DPP4: variants seen among roughly 807,000 people sequenced by gnomAD.
The protein encoded by DPP4 is dipeptidyl peptidase 4, also known as ADCP-2.
Under a neutral mutation model 122.4 loss-of-function variants are expected in DPP4, and 93 were observed. The observed-to-expected ratio is 0.76, with a 90% CI of 0.64 to 0.90. The LOEUF (loss-of-function observed/expected upper bound fraction) is 0.90, where lower values mean the gene tolerates loss of function less well. DPP4 is among the 40% of genes least tolerant of loss of function. DPP4 has a pLI of 0.00. For missense variants in DPP4, 914 were observed against 907.3 expected (o/e 1.01, Z -0.09); for synonymous variants, 321 against 302.9 (o/e 1.06, Z -0.62).
intron 2 of DPP4, among the ~76,000 whole-genome samples, chr2:162,058,756 G>A (rs888587228): frequency 2.6e-5 from 4 of 152,156 alleles, no homozygotes; most frequent in Admixed American, 6.5e-5. Flanking sequence ...ATTGTAACTT[G>A]CAGGCAGCTA....
intron 25 of DPP4, 33 bp downstream of exon 25, chr2:161,994,928 A>T: frequency 6.3e-7 from 1 of 1,595,688 alleles, no homozygotes; most frequent in Non-Finnish European, 8.6e-7. Flanking sequence ...CCCACCAGCA[A>T]CTTCCCTCCC....
intron 10 of DPP4, among the ~76,000 whole-genome samples, chr2:162,032,709 CAAA>C (rs113610682): frequency 1.5e-5 from 1 of 68,138 alleles, no homozygotes; most frequent in African/African-American, 4.9e-5. Flanking sequence ...ACAACAACAA[CAAA>C]AAAAAAAACA....
chr2:162,062,192 G>T lies in DPP4; in HGVS notation c.94+11207C>A, dbSNP rs187219747. ...AGCTATCTGGGAGGCTGAGGCGGGA[G>T]AATCGCTTGAAACTGGGAGGCAGTG... On this transcript the variant is annotated intron_variant, in intron 2 of 25. Coordinates refer to ENST00000360534, the MANE Select transcript of DPP4 (RefSeq NM_001935.4). Among the ~76,000 whole-genome samples, 239 of 152,236 alleles carry T rather than the reference G, an allele frequency of 1.6e-3. 2 individuals carry two copies. Among genetic ancestry groups the T allele is most frequent in the African/African-American group, 5.6e-3 (233 of 41,520 alleles).
chr2:162,060,083 C>T lies in DPP4; in HGVS notation c.95-12582G>A, dbSNP rs955495279. Among the ~76,000 whole-genome samples the T allele has an allele frequency of 3.3e-5, 5 of 152,176 alleles. No individual in the cohort carries two copies. The South Asian group carries it at 6.2e-4, about 19-fold the overall frequency. On this transcript the variant is annotated intron_variant, in intron 2 of 25. Transcript: ENST00000360534. ...GCCACATTTGGACCAGGCAATATGG[C>T]GCCAAAGCCTGTGGTTACAATCACT...
intron 2 of DPP4, among the ~76,000 whole-genome samples, chr2:162,063,953 AGGCAAAAGGGATGGGACCCAG>A (rs1684869242): frequency 1.3e-5 from 2 of 152,182 alleles, no homozygotes; most frequent in African/African-American, 4.8e-5. Context: ...ATCTTTCAGT[AGGCAAAAGGGATGGGACCCAG>A]GGCACAAACA....
At chr2:161,997,889 G>T in intron 23 of DPP4, among the ~76,000 whole-genome samples, 1 of 152,200 alleles carries the variant, frequency 6.6e-6, no homozygotes, top group East Asian at 1.9e-4. Flanking sequence ...CTGACAGCAA[G>T]CCCTTTTTAC....
At position 162,045,512 on chromosome 2, in the gene DPP4, T is replaced by C. The variant is rs2106132878; in HGVS notation, c.366+20A>G. 1 of 1,557,184 alleles carries C rather than the reference T, an allele frequency of 6.4e-7. No individual in the cohort carries two copies. The highest frequency in any genetic ancestry group is 1.7e-5 in the Admixed American group (1 of 59,758). On this transcript the variant is annotated intron_variant, in intron 5 of 25. Transcript: ENST00000360534. ...CTCTTGGATTATTTAAATGTTACAG[T>C]AAGAAAGCATTTATTTTACCTTCAC... is the stretch of plus-strand genomic sequence containing the variant.
intron 12 of DPP4, among the ~76,000 whole-genome samples, chr2:162,021,228 T>C (rs1187623784): frequency 2.0e-5 from 3 of 152,230 alleles, no homozygotes; most frequent in East Asian, 1.9e-4. Flanking sequence ...GGAATGTCTG[T>C]TGTATATTTC....
chr2:162,072,165 C>T (rs1559729660), intron 2 of DPP4, among the ~76,000 whole-genome samples: 1 of 152,166 alleles, frequency 6.6e-6, no homozygotes, highest in African/African-American at 2.4e-5. Context: ...CAGCAACTAA[C>T]GCGGTGCCTG....
chr2:162,014,526 C>G, intron 18 of DPP4, 61 bp from the exon 19 acceptor site: 1 of 1,285,806 alleles, frequency 7.8e-7, no homozygotes, highest in South Asian at 1.3e-5. Context: ...AGATTTTGTT[C>G]CTCATGTCCG....
At position 161,993,365 on chromosome 2, in the gene DPP4, T is replaced by C; in HGVS notation, c.2219A>G (p.His740Arg). The C allele has an allele frequency of 1.9e-6, 3 of 1,613,172 alleles. No homozygotes were observed. The highest frequency in any genetic ancestry group is 2.5e-6 in the Non-Finnish European group (3 of 1,179,310). Residue 740 changes from histidine (H) to arginine (R), a missense_variant, in exon 26 of 26, where the codon CAT becomes CGT. His to Arg is a conservative substitution (Grantham distance 29, BLOSUM62 0). Transcript: ENST00000360534. ...GTGTGCTGTGCTGCTAGCTATTCCA[T>C]GGTCTTCATCAGTATACCACTAGAG... is the stretch of plus-strand genomic sequence containing the variant. ...FQAMWYTDEDHGIASSTAHQH... is the reference protein window; with the variant it reads ...FQAMWYTDEDRGIASSTAHQH...
rs763845798 is a variant in DPP4 at position 162,047,383 on chromosome 2, C to G, written c.193+20G>C. The G allele has an allele frequency of 6.9e-7, 1 of 1,459,578 alleles. No homozygotes were observed. Among genetic ancestry groups the G allele is most frequent in the South Asian group, 1.4e-5 (1 of 72,722 alleles). The allele number at this position is 1,459,578 out of a possible 1,614,324, so 90.4% of individuals were successfully genotyped here. ...AATGAATGTAAGCATAAAATCTGCC[C>G]TACCCCAAAAAATTCTTACCTGAAA... On this transcript the variant is annotated intron_variant, in intron 3 of 25. Coordinates refer to ENST00000360534, the MANE Select transcript of DPP4 (RefSeq NM_001935.4).
At chr2:162,039,552 T>C (rs1026147932) in intron 5 of DPP4, among the ~76,000 whole-genome samples, 2 of 152,116 alleles carry the variant, frequency 1.3e-5, no homozygotes, top group African/African-American at 4.8e-5. Context: ...TTAAACGATA[T>C]ATGATGCTAT....
intron 23 of DPP4, among the ~76,000 whole-genome samples, chr2:162,004,335 T>A (rs1701227037): frequency 6.6e-6 from 1 of 152,128 alleles, no homozygotes; most frequent in Non-Finnish European, 1.5e-5. Context: ...AATGTGGTTA[T>A]GAAGAAGGAA....
chr2:162,050,740 A>G (rs1237758107), intron 2 of DPP4, among the ~76,000 whole-genome samples: 1 of 152,234 alleles, frequency 6.6e-6, no homozygotes, highest in African/African-American at 2.4e-5. Flanking sequence ...AAACATCTAG[A>G]TAAGCGAGTT....
In DPP4 at chr2:162,038,298, C is replaced by A; in HGVS notation, c.613+4G>T. 1 of 1,546,632 alleles carries A rather than the reference C, an allele frequency of 6.5e-7. No homozygotes were observed. On this transcript the variant is annotated splice_donor_region_variant and intron_variant, in intron 8 of 25. Coordinates refer to ENST00000360534, the MANE Select transcript of DPP4 (RefSeq NM_001935.4). ...CTGATTTGAAAAAGCTTTAAAGTTTCTACCTTCATAAACCCAGTCAGTTAT... is the reference window on the plus strand; with the variant it reads ...CTGATTTGAAAAAGCTTTAAAGTTTATACCTTCATAAACCCAGTCAGTTAT...
intron 5 of DPP4, among the ~76,000 whole-genome samples, chr2:162,041,256 T>C (rs1683976101): frequency 6.6e-6 from 1 of 152,150 alleles, no homozygotes; most frequent in African/African-American, 2.4e-5. Context: ...TTCAAATAAG[T>C]TACTTGTCTA....
At chr2:162,041,527 GCT>G (rs1477670300) in intron 5 of DPP4, among the ~76,000 whole-genome samples, 1 of 152,144 alleles carries the variant, frequency 6.6e-6, no homozygotes, top group East Asian at 1.9e-4. Flanking sequence ...TCCCTTCTAT[GCT>G]CTCATGTCAA....
chr2:162,046,883 T>G, intron 4 of DPP4, 32 bp downstream of exon 4: 1 of 1,367,548 alleles, frequency 7.3e-7, no homozygotes, highest in Non-Finnish European at 1.0e-6. Context: ...CCCAGAATTC[T>G]ATGCATGAAT....
Sources: allele counts gnomAD v4.1 joint callset (sites outside exome capture counted in the v4.1 genomes callset), GRCh38; gene constraint gnomAD v4.1.1; transcripts MANE v1.5; gene names NCBI Gene and HGNC (gene_info 2026-07-23, HGNC 2026-07-21).